LMX1A: variants seen among roughly 807,000 people sequenced by gnomAD.
LMX1A encodes the protein LIM homeobox transcription factor 1-alpha.
In LMX1A, 15 loss-of-function variants were observed where a neutral mutation model predicts 49.1. That is an observed-to-expected ratio of 0.31 (90% confidence interval 0.20 to 0.47). The LOEUF is 0.47. Ranked by LOEUF, LMX1A falls within the 20% of genes least tolerant of loss-of-function variation. LMX1A has a pLI of 1.00. For synonymous variants in LMX1A, 167 were observed against 185.7 expected (o/e 0.90, Z 0.82); for missense variants, 372 against 475.8 (o/e 0.78, Z 2.03).
At chr1:165,268,309 T>C (rs1478055811) in intron 3 of LMX1A, among the ~76,000 whole-genome samples, 3 of 152,234 alleles carry the variant, frequency 2.0e-5, no homozygotes, top group African/African-American at 7.2e-5. Context: ...TATTTGACTG[T>C]GTAATATAAT....
rs114358082 is a variant in LMX1A, at chr1:165,322,240, T to C, written c.263+30836A>G. Among the ~76,000 whole-genome samples, 259 of 152,228 alleles carry C rather than the reference T, an allele frequency of 1.7e-3. 1 individual carries two copies. The highest frequency in any genetic ancestry group is 6.0e-3 in the African/African-American group (250 of 41,560). On this transcript the variant is annotated intron_variant, in intron 3 of 8. Transcript: ENST00000342310. ...ATATTGCTGGTGGGAAGAAAAATGG[T>C]ACATCTGCTGTGGAAAACAGTTTGA... is the stretch of plus-strand genomic sequence containing the variant.
intron 3 of LMX1A, among the ~76,000 whole-genome samples, chr1:165,279,782 A>T (rs1449589666): frequency 6.6e-6 from 1 of 152,168 alleles, no homozygotes; most frequent in Non-Finnish European, 1.5e-5. Flanking sequence ...GTCTCTCCAC[A>T]TCAATAAACA....
chr1:165,269,833 A>G (rs1653741854), intron 3 of LMX1A, among the ~76,000 whole-genome samples: 1 of 152,166 alleles, frequency 6.6e-6, no homozygotes, highest in Admixed American at 6.5e-5. Flanking sequence ...TATAAGTGGG[A>G]GCCAAACAAG....
At chr1:165,288,989 G>A (rs1309775311) in intron 3 of LMX1A, among the ~76,000 whole-genome samples, 1 of 152,192 alleles carries the variant, frequency 6.6e-6, no homozygotes, top group Non-Finnish European at 1.5e-5. Context: ...CATCAGAGCT[G>A]GCAGCTGGGC....
At chr1:165,244,666 T>C (rs556403190) in intron 4 of LMX1A, among the ~76,000 whole-genome samples, 7 of 152,074 alleles carry the variant, frequency 4.6e-5, no homozygotes, top group East Asian at 1.9e-4. Context: ...CTCTCCATGA[T>C]GGGAAATGAC....
chr1:165,353,385 G>A (rs1656493235), intron 2 of LMX1A, 123 bp from the exon 3 acceptor site: 1 of 742,082 alleles, frequency 1.3e-6, no homozygotes. Context: ...CCACCCCAGG[G>A]AACTCCTGCT....
intron 3 of LMX1A, among the ~76,000 whole-genome samples, chr1:165,317,265 T>C (rs1430505066): frequency 6.6e-6 from 1 of 152,194 alleles, no homozygotes; most frequent in Non-Finnish European, 1.5e-5. Flanking sequence ...TATCCATAGA[T>C]AGAATTAATA....
chr1:165,250,077 G>T (rs1256626456), intron 3 of LMX1A, among the ~76,000 whole-genome samples: 2 of 151,984 alleles, frequency 1.3e-5, no homozygotes, highest in African/African-American at 4.8e-5. Flanking sequence ...GGGCCTGTCA[G>T]GGGGTGGGGT....
At chr1:165,332,501 C>G (rs1655777299) in intron 3 of LMX1A, among the ~76,000 whole-genome samples, 1 of 151,950 alleles carries the variant, frequency 6.6e-6, no homozygotes, top group Non-Finnish European at 1.5e-5. Flanking sequence ...TTCTAAAGTC[C>G]AATGATTCCA....
intron 3 of LMX1A, 81 bp downstream of exon 3, chr1:165,352,995 G>C: frequency 1.4e-6 from 2 of 1,421,438 alleles, no homozygotes; most frequent in Admixed American, 1.7e-5. Context: ...TCCAGAAAAG[G>C]ACTAGGGTAA....
chr1:165,245,529 A>G (rs889788457), intron 4 of LMX1A, among the ~76,000 whole-genome samples: 1 of 85,634 alleles, frequency 1.2e-5, no homozygotes, highest in African/African-American at 7.1e-5. Context: ...ATGATTTAAC[A>G]AGCTAATTAC....
rs145662259 is a variant in LMX1A, at chr1:165,328,541, C to T, written c.263+24535G>A. ...GGTCCACCCAACAGGGCCATATTTA[C>T]AATGCACCTGTGCCCTTGATGGCTG... On this transcript the variant is annotated intron_variant, in intron 3 of 8. Transcript: ENST00000342310. Among the ~76,000 whole-genome samples, 529 of 152,346 alleles carry T rather than the reference C, an allele frequency of 3.5e-3. 1 individual carries two copies. Among genetic ancestry groups the T allele is most frequent in the African/African-American group, 0.012 (506 of 41,598 alleles).
intron 3 of LMX1A, among the ~76,000 whole-genome samples, chr1:165,340,391 C>T (rs1656039157): frequency 6.6e-6 from 1 of 152,150 alleles, no homozygotes; most frequent in Admixed American, 6.5e-5. Flanking sequence ...GCCACTGTAC[C>T]TGGCCAAAAC....
intron 3 of LMX1A, among the ~76,000 whole-genome samples, chr1:165,311,396 A>G (rs1273593550): frequency 6.6e-6 from 1 of 152,214 alleles, no homozygotes; most frequent in Non-Finnish European, 1.5e-5. Flanking sequence ...TAGTGAAATC[A>G]TCAGAAGTTC....
At chr1:165,263,738 G>T (rs998988711) in intron 3 of LMX1A, among the ~76,000 whole-genome samples, 3 of 152,126 alleles carry the variant, frequency 2.0e-5, no homozygotes, top group African/African-American at 7.2e-5. Flanking sequence ...TTCCAGACAA[G>T]AAAACAAAGA....
rs1374144087 is a variant in LMX1A, at chr1:165,311,060, G to T, written c.263+42016C>A. Among the ~76,000 whole-genome samples, 10 of 152,258 alleles carry T rather than the reference G, an allele frequency of 6.6e-5. No individual in the cohort carries two copies. The East Asian group carries it at 1.7e-3, about 26-fold the overall frequency. ...TGTTCAAGAAGTTTAAGGCTTATCT[G>T]CAATCTCATCCACAGATGTAATGGA... On this transcript the variant is annotated intron_variant, in intron 3 of 8. Coordinates refer to ENST00000342310, the MANE Select transcript of LMX1A (RefSeq NM_177398.4).
intron 3 of LMX1A, among the ~76,000 whole-genome samples, chr1:165,306,310 G>A (rs1464945500): frequency 6.6e-6 from 1 of 152,164 alleles, no homozygotes; most frequent in Non-Finnish European, 1.5e-5. Flanking sequence ...ACTTAGGTTG[G>A]GTTCACCATA....
chr1:165,252,730 C>T (rs1193686360), intron 3 of LMX1A, among the ~76,000 whole-genome samples: 1 of 152,188 alleles, frequency 6.6e-6, no homozygotes, highest in Non-Finnish European at 1.5e-5. Flanking sequence ...ACACCACTCT[C>T]CTCTTTATAA....
intron 3 of LMX1A, among the ~76,000 whole-genome samples, chr1:165,303,696 G>A (rs1020398379): frequency 3.9e-5 from 6 of 152,116 alleles, no homozygotes; most frequent in East Asian, 1.9e-4. Flanking sequence ...GGAAGTAGGC[G>A]GGTACTGGAC....
Sources: gnomAD v4.1 joint callset for allele counts (sites outside exome capture counted in the v4.1 genomes callset) on GRCh38, gnomAD v4.1.1 for gene constraint, MANE v1.5 for transcripts, NCBI Gene and HGNC (gene_info 2026-07-23, HGNC 2026-07-21) for gene names.